LAMA2: variants seen among roughly 807,000 people sequenced by gnomAD.
LAMA2 encodes the protein laminin subunit alpha-2.
Under a neutral mutation model 364.8 loss-of-function variants are expected in LAMA2, and 269 were observed. That is an observed-to-expected ratio of 0.74 (90% confidence interval 0.67 to 0.82). LAMA2 has a LOEUF of 0.82. LAMA2 is among the 40% of genes least tolerant of loss of function. The pLI is 0.00. For missense variants in LAMA2, 3,807 were observed against 3,873.2 expected, an observed-to-expected ratio of 0.98 and a Z score of 0.45; for synonymous variants, 1,379 against 1,370.6, an observed-to-expected ratio of 1.01 and a Z score of -0.14.
rs567629621 is a variant in LAMA2 at position 129,125,288 on chromosome 6, G to A, written c.640-18613G>A. Among the ~76,000 whole-genome samples, 12 of 152,284 alleles carry A rather than the reference G, an allele frequency of 7.9e-5. No homozygotes were observed. The South Asian group carries it at 2.5e-3, about 32-fold the overall frequency. On this transcript the variant is annotated intron_variant, in intron 4 of 64. Coordinates refer to ENST00000421865, the MANE Select transcript of LAMA2 (RefSeq NM_000426.4). ...CTGAAAATGTCTATTAGACATTTTG[G>A]TGAAGCTGAATAGATAGTGTATAGT...
chr6:129,009,154 A>G (rs181170657), intron 1 of LAMA2, among the ~76,000 whole-genome samples: 1 of 152,236 alleles, frequency 6.6e-6, no homozygotes, highest in African/African-American at 2.4e-5. Context: ...ATATCTTTGG[A>G]GAGTATACTA....
At chr6:129,043,309 AT>A (rs1232639653) in intron 1 of LAMA2, among the ~76,000 whole-genome samples, 2 of 152,074 alleles carry the variant, frequency 1.3e-5, no homozygotes, top group African/African-American at 4.8e-5. Flanking sequence ...CAATGATGTG[AT>A]TTTTTGCCTT....
At chr6:129,222,753 T>G (rs1308505019) in intron 12 of LAMA2, among the ~76,000 whole-genome samples, 6 of 152,106 alleles carry the variant, frequency 3.9e-5, no homozygotes, top group African/African-American at 1.2e-4. Context: ...TGATGGACAT[T>G]TGGGTTGGTT....
intron 41 of LAMA2, among the ~76,000 whole-genome samples, chr6:129,433,030 C>G (rs7756862): frequency 0.5 from 75,990 of 152,004 alleles, 19,980 homozygotes; most frequent in African/African-American, 0.67. Flanking sequence ...CTCTGAGGTT[C>G]CCATATGTGG....
chr6:129,009,434 T>C (rs1784636123), intron 1 of LAMA2, among the ~76,000 whole-genome samples: 1 of 152,186 alleles, frequency 6.6e-6, no homozygotes, highest in Admixed American at 6.5e-5. Flanking sequence ...AGTCACAACA[T>C]GCTTCAGCCA....
At chr6:128,995,488 AC>A (rs1382561407) in intron 1 of LAMA2, among the ~76,000 whole-genome samples, 1 of 152,058 alleles carries the variant, frequency 6.6e-6, no homozygotes, top group Non-Finnish European at 1.5e-5. Context: ...CGCCTGGATA[AC>A]TTTTTTGTAT....
At chr6:129,243,822 CA>C (rs1305432096) in intron 12 of LAMA2, among the ~76,000 whole-genome samples, 2 of 150,598 alleles carry the variant, frequency 1.3e-5, no homozygotes, top group African/African-American at 2.4e-5. Context: ...GAAATGCTAT[CA>C]AAACAGTCTA....
At chr6:129,253,365 A>ACCTCCCTGTC (rs1786403794) in intron 14 of LAMA2, among the ~76,000 whole-genome samples, 1 of 151,036 alleles carries the variant, frequency 6.6e-6, no homozygotes, top group Non-Finnish European at 1.5e-5. Context: ...ACCACCTCTC[A>ACCTCCCTGTC]CCTCCCTGTC....
At chr6:128,907,599 C>T (rs1004530844) in intron 1 of LAMA2, among the ~76,000 whole-genome samples, 1 of 152,042 alleles carries the variant, frequency 6.6e-6, no homozygotes, top group Non-Finnish European at 1.5e-5. Context: ...ATTTGACTTC[C>T]TCTTTTCCTA....
Position 128,930,017 on chromosome 6 carries a change from G to A in LAMA2, c.112+46660G>A, listed in dbSNP as rs73588833. 3,173 of 498,696 alleles carry A rather than the reference G, an allele frequency of 6.4e-3. 85 individuals carry two copies. The highest frequency in any genetic ancestry group is 0.057 in the African/African-American group (2,855 of 50,416). 30.9% of individuals were successfully genotyped at this position (498,696 alleles called of 1,614,324 possible). On this transcript the variant is annotated intron_variant, in intron 1 of 64. Transcript: ENST00000421865. ...GGCGTTATCCCACGCTGCCAGCCTC[G>A]GCGTTGCAGAGCACGGGGCGCCGTG...
chr6:128,919,684 A>G (rs548116158), intron 1 of LAMA2, among the ~76,000 whole-genome samples: 11 of 152,290 alleles, frequency 7.2e-5, no homozygotes, highest in African/African-American at 2.4e-4. Flanking sequence ...GTTGTACTTC[A>G]GCTAGGTTAA....
At chr6:128,896,325 G>A (rs1776769240) in intron 1 of LAMA2, among the ~76,000 whole-genome samples, 1 of 151,590 alleles carries the variant, frequency 6.6e-6, no homozygotes, top group African/African-American at 2.4e-5. Context: ...TTGTTAGGAG[G>A]TGTTCAATGT....
chr6:129,459,753 G>A (rs1783151336), intron 48 of LAMA2, among the ~76,000 whole-genome samples: 1 of 152,050 alleles, frequency 6.6e-6, no homozygotes, highest in Non-Finnish European at 1.5e-5. Context: ...TTTGCCCAAA[G>A]AAAATTATGT....
chr6:129,369,699 C>G (rs1440045636), intron 33 of LAMA2, among the ~76,000 whole-genome samples, 193 bp from the exon 34 acceptor site: 1 of 152,180 alleles, frequency 6.6e-6, no homozygotes, highest in Non-Finnish European at 1.5e-5. Flanking sequence ...CAATAAGTCA[C>G]TGCAATTTTT....
At chr6:129,204,618 G>T (rs993313660) in intron 12 of LAMA2, among the ~76,000 whole-genome samples, 1 of 152,116 alleles carries the variant, frequency 6.6e-6, no homozygotes, top group Non-Finnish European at 1.5e-5. Context: ...TAACCCTGCC[G>T]ATACCTTGAT....
At chr6:129,396,675 A>C (rs938506995) in intron 37 of LAMA2, among the ~76,000 whole-genome samples, 1 of 152,212 alleles carries the variant, frequency 6.6e-6, no homozygotes, top group Non-Finnish European at 1.5e-5. Context: ...AAGCAAAATA[A>C]TATGTATTGA....
chr6:129,168,111 G>A (rs1779882339), intron 9 of LAMA2, among the ~76,000 whole-genome samples: 2 of 141,094 alleles, frequency 1.4e-5, no homozygotes. Context: ...CCATTTTGTA[G>A]GTTGCCTGTT....
chr6:129,139,250 C>T (rs1378683188), intron 4 of LAMA2, among the ~76,000 whole-genome samples: 3 of 152,066 alleles, frequency 2.0e-5, no homozygotes, highest in Admixed American at 6.6e-5. Context: ...TTTCCTTGAG[C>T]TTTCTACAGC....
At chr6:128,894,069 T>C (rs1246221335) in intron 1 of LAMA2, among the ~76,000 whole-genome samples, 1 of 152,162 alleles carries the variant, frequency 6.6e-6, no homozygotes, top group Non-Finnish European at 1.5e-5. Context: ...ATTCTTTGAT[T>C]CTATACCAAA....
Sources: gnomAD v4.1 joint callset for allele counts (sites outside exome capture counted in the v4.1 genomes callset) on GRCh38, gnomAD v4.1.1 for gene constraint, MANE v1.5 for transcripts, NCBI Gene and HGNC (gene_info 2026-07-23, HGNC 2026-07-21) for gene names.